Variants in PTP4A3 observed in about 807,000 individuals in gnomAD.
PTP4A3 encodes the protein protein tyrosine phosphatase type IVA 3.
A neutral mutation model predicts 15.2 loss-of-function variants in PTP4A3; 9 were observed. That is an observed-to-expected ratio of 0.59 (90% CI 0.36 to 1.03). The LOEUF is 1.03. Ranked by LOEUF, PTP4A3 falls within the 50% of genes least tolerant of loss-of-function variation. PTP4A3 has a pLI of 0.02. For missense variants in PTP4A3, 234 were observed against 252.1 expected (o/e 0.93, Z 0.49); for synonymous variants, 95 against 102.0 (o/e 0.93, Z 0.41).
At chr8:141,404,531 C>T (rs560887685) in intron 1 of PTP4A3, among the ~76,000 whole-genome samples, 27 of 152,374 alleles carry the variant, frequency 1.8e-4, no homozygotes, top group South Asian at 4.1e-4. Context: ...CCTTTCTCCT[C>T]GTGAGCTCTC....
chr8:141,424,934 C>A, intron 2 of PTP4A3, 114 bp from the exon 3 acceptor site: 1 of 871,896 alleles, frequency 1.1e-6, no homozygotes, highest in Non-Finnish European at 1.8e-6. Context: ...ATGTCCAAGT[C>A]CTGGGTGACT....
At chr8:141,404,883 G>A (rs182913183) in intron 1 of PTP4A3, among the ~76,000 whole-genome samples, 2 of 152,292 alleles carry the variant, frequency 1.3e-5, no homozygotes, top group Non-Finnish European at 2.9e-5. Flanking sequence ...ATGGAGCAGC[G>A]CCTGGCACTC....
At chr8:141,423,079 G>A (rs1833409379) in intron 2 of PTP4A3, among the ~76,000 whole-genome samples, 3 of 152,244 alleles carry the variant, frequency 2.0e-5, no homozygotes, top group African/African-American at 7.2e-5. Flanking sequence ...TGTGTGAGAG[G>A]CTGCAGCTGT....
intron 1 of PTP4A3, among the ~76,000 whole-genome samples, chr8:141,414,524 TGA>T (rs1448838081): frequency 2.0e-5 from 3 of 150,298 alleles, no homozygotes; most frequent in East Asian, 1.9e-4. Flanking sequence ...GGCAGGTGTG[TGA>T]GTCTCTGCAC....
chr8:141,423,853 AGT>A (rs1168189527), intron 2 of PTP4A3, among the ~76,000 whole-genome samples: 2 of 151,480 alleles, frequency 1.3e-5, no homozygotes, highest in African/African-American at 2.4e-5. Context: ...ATCAGGGCTC[AGT>A]GTGTGACCCA....
chr8:141,408,870 TA>T (rs1187987809), intron 1 of PTP4A3, among the ~76,000 whole-genome samples: 1 of 152,182 alleles, frequency 6.6e-6, no homozygotes, highest in Admixed American at 6.5e-5. Context: ...TGGTGTGCGC[TA>T]GAGACTAGAG....
chr8:141,406,348 G>A lies in PTP4A3; in HGVS notation c.-854+14264G>A, dbSNP rs1472385260. ...GACTGGGGATTGTGGAGGCCTGTCC[G>A]TGCCCTGAAGCACTTCTGAGAAGCC... On this transcript the variant is annotated intron_variant, in intron 1 of 5. Transcript: ENST00000521578. The surrounding 1 kb of genome is among the most constrained non-coding windows in gnomAD (Gnocchi z 4.5). Among the ~76,000 whole-genome samples the A allele has an allele frequency of 2.0e-5, 3 of 152,056 alleles. No individual in the cohort carries two copies. Among genetic ancestry groups the A allele is most frequent in the Non-Finnish European group, 2.9e-5 (2 of 67,998 alleles).
intron 1 of PTP4A3, among the ~76,000 whole-genome samples, chr8:141,418,955 GC>G (rs1176906097): frequency 2.6e-5 from 4 of 152,094 alleles, no homozygotes; most frequent in African/African-American, 7.2e-5. Flanking sequence ...TCATTGCTTT[GC>G]TCTCACCTGG....
At chr8:141,427,169 C>T (rs1306908799) in intron 4 of PTP4A3, 100 bp downstream of exon 4, 49 of 1,502,168 alleles carry the variant, frequency 3.3e-5, no homozygotes, top group East Asian at 2.8e-4. Flanking sequence ...CACACGTCCA[C>T]GCGACCTTCC....
At chr8:141,393,310 C>T (rs546368477) in intron 1 of PTP4A3, among the ~76,000 whole-genome samples, 5 of 152,220 alleles carry the variant, frequency 3.3e-5, no homozygotes, top group Non-Finnish European at 7.3e-5. Context: ...TAAATGGGCC[C>T]CGAACCTGTC....
intron 1 of PTP4A3, among the ~76,000 whole-genome samples, chr8:141,421,119 C>A (rs1237312503): frequency 6.6e-6 from 1 of 152,202 alleles, no homozygotes; most frequent in Non-Finnish European, 1.5e-5. Flanking sequence ...AAATCCCTGT[C>A]CCCTCTGTCC....
intron 4 of PTP4A3, among the ~76,000 whole-genome samples, chr8:141,427,326 C>G (rs1007368030): frequency 6.6e-6 from 1 of 152,184 alleles, no homozygotes; most frequent in African/African-American, 2.4e-5. Flanking sequence ...GGGCTGCCGT[C>G]CCCCTCTCCA....
intron 1 of PTP4A3, among the ~76,000 whole-genome samples, chr8:141,393,432 A>C (rs1005222538): frequency 1.3e-5 from 2 of 152,176 alleles, no homozygotes; most frequent in Admixed American, 6.5e-5. Context: ...GCTGTTTCCA[A>C]ATAGCCCCGC....
At chr8:141,423,041 G>A (rs1033052910) in intron 2 of PTP4A3, among the ~76,000 whole-genome samples, 1 of 152,238 alleles carries the variant, frequency 6.6e-6, no homozygotes, top group Admixed American at 6.5e-5. Flanking sequence ...GTGCGGGGCC[G>A]TTGACAGAGC....
At chr8:141,420,410 C>T (rs1352571238) in intron 1 of PTP4A3, among the ~76,000 whole-genome samples, 1 of 152,212 alleles carries the variant, frequency 6.6e-6, no homozygotes, top group African/African-American at 2.4e-5. Context: ...CCTCCCAGCC[C>T]TTCCGTAGAG....
intron 1 of PTP4A3, among the ~76,000 whole-genome samples, chr8:141,396,415 T>C (rs1832452932): frequency 1.3e-5 from 2 of 152,114 alleles, no homozygotes; most frequent in African/African-American, 2.4e-5. Context: ...GGGAGGGTGC[T>C]GGTCATTTGG....
chr8:141,420,755 A>G (rs975144596), intron 1 of PTP4A3, among the ~76,000 whole-genome samples: 2 of 152,212 alleles, frequency 1.3e-5, no homozygotes, highest in Non-Finnish European at 2.9e-5. Context: ...ACTGGTGGAC[A>G]GGGGGCTGCT....
At chr8:141,396,463 AG>A (rs1450792330) in intron 1 of PTP4A3, among the ~76,000 whole-genome samples, 1 of 152,136 alleles carries the variant, frequency 6.6e-6, no homozygotes, top group African/African-American at 2.4e-5. Flanking sequence ...CCAGGTCATC[AG>A]GTGGTATGGA....
intron 1 of PTP4A3, among the ~76,000 whole-genome samples, chr8:141,396,999 C>T (rs868463238): frequency 6.6e-6 from 1 of 152,146 alleles, no homozygotes; most frequent in Admixed American, 6.5e-5. Context: ...CTGGAGCCCA[C>T]AGCCTCTCCT....
Sources: allele counts gnomAD v4.1 joint callset (sites outside exome capture counted in the v4.1 genomes callset), GRCh38; gene constraint gnomAD v4.1.1; non-coding constraint Gnocchi (gnomAD v3.1); transcripts MANE v1.5; gene names NCBI Gene and HGNC (gene_info 2026-07-23, HGNC 2026-07-21).